The following LOC128092252 variants were observed in gnomAD, a reference collection of about 807,000 sequenced individuals.
chr15:50,666,756 C>T, the LOC128092252 span, among the ~76,000 whole-genome samples: 4 of 151,978 alleles, frequency 2.6e-5, no homozygotes, highest in Admixed American at 2.6e-4. Flanking sequence ...GAGCCGAGAT[C>T]GTGCCATTGC....
the LOC128092252 span, among the ~76,000 whole-genome samples, chr15:50,664,287 C>T: frequency 3.9e-5 from 5 of 128,182 alleles, no homozygotes; most frequent in Non-Finnish European, 7.8e-5. Flanking sequence ...TCCAGCCTGG[C>T]GACAGAGCAA....
the LOC128092252 span, among the ~76,000 whole-genome samples, chr15:50,660,864 T>C: frequency 1.3e-5 from 2 of 152,212 alleles, no homozygotes; most frequent in South Asian, 2.1e-4. Flanking sequence ...AAGATCTTCA[T>C]TGTGGCCTAA....
the LOC128092252 span, chr15:50,686,631 C>T: frequency 1.3e-6 from 2 of 1,527,772 alleles, no homozygotes; most frequent in African/African-American, 1.4e-5. Context: ...GAGGCGGCAG[C>T]AGAGGCCGCC....
the LOC128092252 span, among the ~76,000 whole-genome samples, chr15:50,666,575 G>A: frequency 9.3e-5 from 14 of 150,248 alleles, no homozygotes; most frequent in East Asian, 2.0e-3. Flanking sequence ...AGGCTGAGGC[G>A]GGCAGATCAC....
the LOC128092252 span, among the ~76,000 whole-genome samples, chr15:50,674,215 C>T: frequency 6.6e-6 from 1 of 152,322 alleles, no homozygotes; most frequent in South Asian, 2.1e-4. Context: ...TCTCAAACCC[C>T]TGACCTCAAG....
chr15:50,651,220 C>A, the LOC128092252 span, among the ~76,000 whole-genome samples: 1 of 150,738 alleles, frequency 6.6e-6, no homozygotes, highest in South Asian at 2.1e-4. Context: ...TCAAAGAATA[C>A]TGAGGCATGC....
chr15:50,675,147 A>G, the LOC128092252 span, among the ~76,000 whole-genome samples: 1 of 152,180 alleles, frequency 6.6e-6, no homozygotes, highest in Non-Finnish European at 1.5e-5. Flanking sequence ...GTTTGAGACC[A>G]GCCTGGCCAA....
the LOC128092252 span, among the ~76,000 whole-genome samples, chr15:50,684,823 AAG>A: frequency 2.0e-5 from 3 of 152,204 alleles, no homozygotes; most frequent in Non-Finnish European, 4.4e-5. Flanking sequence ...TAGAGACTGA[AAG>A]AGTTACCGAC....
chr15:50,667,573 G>A, the LOC128092252 span, among the ~76,000 whole-genome samples: 17 of 152,282 alleles, frequency 1.1e-4, no homozygotes, highest in African/African-American at 3.1e-4. Context: ...TGGGAATGGT[G>A]CCTTGCACCT....
At chr15:50,652,811 G>C in the LOC128092252 span, among the ~76,000 whole-genome samples, 29 of 151,946 alleles carry the variant, frequency 1.9e-4, no homozygotes, top group Admixed American at 1.4e-3. Flanking sequence ...GATCAGCTTG[G>C]GTAACAAAAG....
the LOC128092252 span, among the ~76,000 whole-genome samples, chr15:50,674,608 ACT>A: frequency 3.3e-5 from 5 of 152,086 alleles, no homozygotes; most frequent in African/African-American, 1.2e-4. Flanking sequence ...TTCTAAATTA[ACT>A]CTATTTACAT....
At chr15:50,660,266 C>T in the LOC128092252 span, among the ~76,000 whole-genome samples, 1 of 151,948 alleles carries the variant, frequency 6.6e-6, no homozygotes, top group Non-Finnish European at 1.5e-5. Context: ...AAAACATTTA[C>T]AGAATGTATT....
the LOC128092252 span, among the ~76,000 whole-genome samples, chr15:50,662,209 C>T: frequency 6.6e-6 from 1 of 151,842 alleles, no homozygotes; most frequent in Non-Finnish European, 1.5e-5. Flanking sequence ...AAAATTTAGC[C>T]GGCTGTGGTG....
At chr15:50,679,538 A>ATATTTTTTTTTTTT in the LOC128092252 span, among the ~76,000 whole-genome samples, 1 of 43,904 alleles carries the variant, frequency 2.3e-5, no homozygotes, top group African/African-American at 1.1e-4. Flanking sequence ...ATATATATAT[A>ATATTTTTTTTTTTT]TTTTTTTTTT....
the LOC128092252 span, among the ~76,000 whole-genome samples, chr15:50,670,040 T>C: frequency 1.3e-5 from 2 of 152,212 alleles, no homozygotes; most frequent in Non-Finnish European, 1.5e-5. Context: ...CTTTCAGATA[T>C]CATGTTTTGT....
the LOC128092252 span, among the ~76,000 whole-genome samples, chr15:50,678,565 A>T: frequency 6.7e-6 from 1 of 149,310 alleles, no homozygotes; most frequent in Admixed American, 6.7e-5. Flanking sequence ...CATATACATA[A>T]TTTTATTATG....
At chr15:50,661,136 C>T in the LOC128092252 span, among the ~76,000 whole-genome samples, 504 of 152,172 alleles carry the variant, frequency 3.3e-3, 12 homozygotes, top group East Asian at 7.7e-4. Flanking sequence ...ACTACCACGT[C>T]TGGCTAATTT....
chr15:50,666,529 T>A, the LOC128092252 span, among the ~76,000 whole-genome samples: 13 of 151,320 alleles, frequency 8.6e-5, no homozygotes, highest in Admixed American at 8.6e-4. Flanking sequence ...AGAGGCCGGG[T>A]GCAGTGGCTT....
chr15:50,661,565 A>G, the LOC128092252 span, among the ~76,000 whole-genome samples: 3 of 147,392 alleles, frequency 2.0e-5, no homozygotes, highest in South Asian at 6.2e-4. Context: ...AAATGTTAAA[A>G]TAAAGAGAAA....
Sources: allele counts gnomAD v4.1 joint callset (sites outside exome capture counted in the v4.1 genomes callset), GRCh38; gene constraint gnomAD v4.1.1; transcripts MANE v1.5.